METTL9: variants seen among roughly 807,000 people sequenced by gnomAD.
METTL9 encodes protein-L-histidine N-pros-methyltransferase.
In METTL9, 10 loss-of-function variants were observed where a neutral mutation model predicts 36.0. The ratio of observed to expected loss-of-function variants is 0.28; its 90% CI spans 0.17 to 0.47. METTL9 has a LOEUF of 0.47. Ranked by LOEUF, METTL9 falls within the 20% of genes least tolerant of loss-of-function variation. The probability of loss-of-function intolerance (pLI) is 0.99; values close to 1 mark genes in which losing one functional copy is unlikely to be tolerated. For missense variants in METTL9, 246 were observed against 383.5 expected (o/e 0.64, Z 3.00); for synonymous variants, 175 against 149.7 (o/e 1.17, Z -1.23).
At chr16:21,625,924 G>A (rs1369432635) in intron 4 of METTL9, among the ~76,000 whole-genome samples, 1 of 152,066 alleles carries the variant, frequency 6.6e-6, no homozygotes, top group Non-Finnish European at 1.5e-5. Flanking sequence ...TTGAGACAGA[G>A]CCTTGCTCTG....
chr16:21,597,308 A>G, upstream of METTL9: 1 of 1,288,526 alleles, frequency 7.8e-7, no homozygotes, highest in Non-Finnish European at 1.0e-6. Flanking sequence ...AAGGTCAGCT[A>G]TTGAATTTAC....
chr16:21,625,416 T>G (rs1965795156), intron 4 of METTL9, among the ~76,000 whole-genome samples: 1 of 152,212 alleles, frequency 6.6e-6, no homozygotes, highest in Admixed American at 6.5e-5. Context: ...TTGAACCATT[T>G]ATTTATTAGC....
chr16:21,613,062 AC>A (rs1965467044), intron 2 of METTL9, among the ~76,000 whole-genome samples: 1 of 150,296 alleles, frequency 6.7e-6, no homozygotes. Flanking sequence ...AGCGGGAGTT[AC>A]TTACGGTAGT....
At chr16:21,650,055 C>G (rs935218091) in intron 4 of METTL9, among the ~76,000 whole-genome samples, 3 of 152,104 alleles carry the variant, frequency 2.0e-5, no homozygotes, top group Admixed American at 2.0e-4. Flanking sequence ...AGGCTGAGAC[C>G]GGAGGCTGAT....
chr16:21,622,996 CCTTT>C (rs1403880696), intron 3 of METTL9, among the ~76,000 whole-genome samples: 4 of 152,038 alleles, frequency 2.6e-5, no homozygotes, highest in African/African-American at 4.8e-5. Context: ...TACAAATAGT[CCTTT>C]CTTTATTCAT....
chr16:21,626,863 C>G (rs1965825732), intron 4 of METTL9: 1 of 791,984 alleles, frequency 1.3e-6, no homozygotes, highest in African/African-American at 1.9e-5. Flanking sequence ...CCTGGCATAG[C>G]AGGAGATGAA....
chr16:21,629,966 C>A (rs1383127761), intron 4 of METTL9, among the ~76,000 whole-genome samples: 2 of 152,136 alleles, frequency 1.3e-5, no homozygotes, highest in African/African-American at 4.8e-5. Context: ...CTCCAAGTCC[C>A]CTACCTGATT....
rs1431786777 is a variant in METTL9 at position 21,647,525 on chromosome 16, G to A, written c.752-7702G>A. 3.8e-6 allele frequency: 6 copies of A among 1,574,128 alleles called. No individual in the cohort carries two copies. The South Asian group carries it at 6.9e-5, about 18-fold the overall frequency. ...AGGAAGCAGATGAGTGGGTTAATGG[G>A]CCTGCCACCTCACTTTGTGCTTTTA... On this transcript the variant is annotated intron_variant, in intron 4 of 4. Transcript: ENST00000358154.
At chr16:21,613,204 T>TTTTTTTTTTTA (rs1965474965) in intron 2 of METTL9, among the ~76,000 whole-genome samples, 1 of 124,590 alleles carries the variant, frequency 8.0e-6, no homozygotes, top group Admixed American at 8.8e-5. Flanking sequence ...TTTTTTTTTT[T>TTTTTTTTTTTA]AAAGACAGTC....
chr16:21,645,648 G>A (rs917245569), intron 4 of METTL9, among the ~76,000 whole-genome samples: 1 of 152,166 alleles, frequency 6.6e-6, no homozygotes, highest in African/African-American at 2.4e-5. Flanking sequence ...TTTCAATTCT[G>A]CCTTTCACTT....
chr16:21,618,069 A>G lies in METTL9; in HGVS notation c.561A>G (p.Lys187=). 1.3e-6 allele frequency: 2 copies of G among 1,557,844 alleles called. No individual in the cohort carries two copies. The highest frequency in any genetic ancestry group is 4.5e-5 in the East Asian group (2 of 44,336). Residue 187 remains lysine, a synonymous_variant, in exon 3 of 5, where the codon AAA becomes AAG. Coordinates refer to ENST00000358154, the MANE Select transcript of METTL9 (RefSeq NM_016025.5). ...ETMIWQLQKK[K]YRVLGINEWQ... is the part of the protein sequence containing the mutation. ...TGATATGGCAGCTTCAGAAAAAGAA[A>G]TACAGGTATAATTTTCTTGGTTTTA...
At position 21,629,626 on chromosome 16, in the gene METTL9, C is replaced by T. The variant is rs1415133022; in HGVS notation, c.751+4511C>T. 3.9e-5 allele frequency among the ~76,000 whole-genome samples: 6 copies of T among 152,266 alleles called. No individual in the cohort carries two copies. In the South Asian group the frequency reaches 8.3e-4, roughly 21 times the overall value. On this transcript the variant is annotated intron_variant, in intron 4 of 4. Coordinates refer to ENST00000358154, the MANE Select transcript of METTL9 (RefSeq NM_016025.5). ...TCAGGAGTGAAGCTGCAGACCTTTGCGGTGAGTGTTACAGCTCTTAAAGGT... is the reference window on the plus strand; with the variant it reads ...TCAGGAGTGAAGCTGCAGACCTTTGTGGTGAGTGTTACAGCTCTTAAAGGT...
chr16:21,612,931 A>G (rs1479374286), intron 2 of METTL9, 96 bp downstream of exon 2: 3 of 1,079,248 alleles, frequency 2.8e-6, no homozygotes, highest in Admixed American at 3.1e-5. Flanking sequence ...CATGTTGACT[A>G]CCTGAGCTAC....
intron 2 of METTL9, among the ~76,000 whole-genome samples, chr16:21,616,448 A>G (rs976606451): frequency 1.3e-5 from 2 of 152,208 alleles, no homozygotes; most frequent in African/African-American, 4.8e-5. Flanking sequence ...TAGATAAACT[A>G]GAATTTCAGA....
At chr16:21,597,401 GA>G (rs1964971338), upstream of METTL9, 2 of 729,132 alleles carry the variant, frequency 2.7e-6, no homozygotes, top group Non-Finnish European at 4.1e-6. Context: ...GCATGGGTTT[GA>G]GTGTTTGGTG....
intron 3 of METTL9, among the ~76,000 whole-genome samples, chr16:21,622,486 A>T (rs1037513392): frequency 1.3e-5 from 2 of 152,106 alleles, no homozygotes; most frequent in African/African-American, 2.4e-5. Context: ...TGGAAGTATT[A>T]ACTCATTTTC....
upstream of METTL9, chr16:21,599,393 G>A: frequency 9.3e-7 from 1 of 1,071,076 alleles, no homozygotes. This position sits in a 1 kb window ranked among gnomAD's most constrained non-coding sequence, Gnocchi z 4.4. Flanking sequence ...AACGCGCTCC[G>A]GGCGGATGCG....
intron 2 of METTL9, among the ~76,000 whole-genome samples, chr16:21,613,416 T>C (rs1486269414): frequency 6.6e-6 from 1 of 151,958 alleles, no homozygotes; most frequent in Admixed American, 6.6e-5. Flanking sequence ...TGACCTCAAG[T>C]GATCCATCCA....
chr16:21,600,575 A>T (rs572864232), intron 1 of METTL9, among the ~76,000 whole-genome samples: 2 of 152,294 alleles, frequency 1.3e-5, no homozygotes, highest in African/African-American at 4.8e-5. Flanking sequence ...GAGGAGGAAG[A>T]TTATGCAAGT....
Sources: gnomAD v4.1 joint callset for allele counts (sites outside exome capture counted in the v4.1 genomes callset) on GRCh38, gnomAD v4.1.1 for gene constraint, Gnocchi (gnomAD v3.1) non-coding constraint, MANE v1.5 for transcripts, NCBI Gene and HGNC (gene_info 2026-07-23, HGNC 2026-07-21) for gene names.